Variants in MALRD1 observed in about 807,000 individuals in gnomAD.
The protein encoded by MALRD1 is MAM and LDL receptor class A domain containing 1, also known as MAM and LDL-receptor class A domain-containing protein 1.
MALRD1 carries 247 observed loss-of-function variants against 242.1 expected under a neutral mutation model. The ratio of observed to expected loss-of-function variants is 1.02; its 90% CI spans 0.92 to 1.13. MALRD1 has a LOEUF of 1.13. Ranked by LOEUF, MALRD1 falls within the 50% of genes most tolerant of loss-of-function variation. The pLI is 0.00. For missense variants in MALRD1, 2,989 were observed against 2,533.1 expected (o/e 1.18, Z -3.86); for synonymous variants, 995 against 866.6 (o/e 1.15, Z -2.60).
intron 14 of MALRD1, among the ~76,000 whole-genome samples, chr10:19,200,032 G>A (rs1243285699): frequency 2.0e-5 from 3 of 152,094 alleles, no homozygotes; most frequent in African/African-American, 4.8e-5. Flanking sequence ...AGGAGGCTGA[G>A]TCGGAGAACG....
Position 19,691,678 on chromosome 10 carries a change from C to T in MALRD1, c.6138-604C>T, listed in dbSNP as rs545924353. On this transcript the variant is annotated intron_variant, in intron 36 of 39. Transcript: ENST00000454679. ...CATTCGTAACTTTCTCAAGACCATC[C>T]GTACCAGTGTTAAAAGTTTCATCAT... is the stretch of plus-strand genomic sequence containing the variant. Among the ~76,000 whole-genome samples the T allele has an allele frequency of 2.2e-4, 33 of 152,160 alleles. 1 individual carries two copies. Among genetic ancestry groups the T allele is most frequent in the Admixed American group, 2.0e-3 (30 of 15,274 alleles).
In MALRD1 at chr10:19,312,690, C is replaced by A. The variant is rs140421988; in HGVS notation, c.3420-11259C>A. On this transcript the variant is annotated intron_variant, in intron 21 of 39. Transcript: ENST00000454679. Reference sequence around the variant, plus strand: ...GTGATCATCATTTACATCTGACATGCCTACCACCCCATCAACTACTTCTAC... The same window carrying A: ...GTGATCATCATTTACATCTGACATGACTACCACCCCATCAACTACTTCTAC... 9.8e-4 allele frequency among the ~76,000 whole-genome samples: 148 copies of A among 151,294 alleles called. 2 individuals carry two copies. The highest frequency in any genetic ancestry group is 9.1e-3 in the Admixed American group (138 of 15,102).
intron 22 of MALRD1, among the ~76,000 whole-genome samples, chr10:19,325,964 T>C (rs1199866202): frequency 1.3e-5 from 2 of 152,152 alleles, no homozygotes; most frequent in Non-Finnish European, 2.9e-5. Context: ...GCTATTGTTA[T>C]TCATTTTTCT....
chr10:19,467,175 A>G (rs1589123600), intron 29 of MALRD1, among the ~76,000 whole-genome samples: 1 of 152,038 alleles, frequency 6.6e-6, no homozygotes, highest in African/African-American at 2.4e-5. Flanking sequence ...TAACTTGGTG[A>G]AATCCCATCT....
chr10:19,555,734 C>T (rs926827722), intron 32 of MALRD1, among the ~76,000 whole-genome samples: 2 of 152,010 alleles, frequency 1.3e-5, no homozygotes, highest in African/African-American at 4.8e-5. Context: ...CTAAAGTGCC[C>T]CCTTTGATAG....
intron 31 of MALRD1, among the ~76,000 whole-genome samples, chr10:19,516,691 C>G (rs1328079893): frequency 6.7e-6 from 1 of 148,488 alleles, no homozygotes; most frequent in Admixed American, 6.6e-5. Flanking sequence ...TCTCCTCCCT[C>G]CCTTCCTCCC....
intron 32 of MALRD1, among the ~76,000 whole-genome samples, chr10:19,546,316 T>C (rs1246621164): frequency 6.6e-6 from 1 of 152,212 alleles, no homozygotes; most frequent in Non-Finnish European, 1.5e-5. Flanking sequence ...CTAGTGTGTT[T>C]ATGTTTACGA....
intron 11 of MALRD1, among the ~76,000 whole-genome samples, chr10:19,154,101 A>AT (rs1834040549): frequency 6.6e-6 from 1 of 152,106 alleles, no homozygotes; most frequent in South Asian, 2.1e-4. Context: ...CACTGTTTCC[A>AT]TTACCTGTAG....
At chr10:19,551,070 T>G (rs1835448835) in intron 32 of MALRD1, among the ~76,000 whole-genome samples, 1 of 152,176 alleles carries the variant, frequency 6.6e-6, no homozygotes, top group African/African-American at 2.4e-5. Flanking sequence ...GATCACTGAT[T>G]GAGCTTCTTT....
intron 26 of MALRD1, among the ~76,000 whole-genome samples, chr10:19,372,472 AT>A (rs972733463): frequency 5.2e-4 from 76 of 144,810 alleles, no homozygotes; most frequent in South Asian, 8.8e-4. Flanking sequence ...ATAATATTTA[AT>A]TTTTTTTTTT....
rs1236990685 is a variant in MALRD1 at position 19,719,260 on chromosome 10, G to A, written c.6315-11446G>A. Among the ~76,000 whole-genome samples, 283 of 36,834 alleles carry A rather than the reference G, an allele frequency of 7.7e-3. 2 individuals are homozygous for A. Among genetic ancestry groups the A allele is most frequent in the African/African-American group, 0.023 (262 of 11,492 alleles). 24.2% of individuals were successfully genotyped at this position (36,834 alleles called of 152,430 possible). ...TATATATATATATATATATATATAT[G>A]CTATCAAATATATTTCTAAAGGGAC... On this transcript the variant is annotated intron_variant, in intron 38 of 39. Transcript: ENST00000454679.
At position 19,491,604 on chromosome 10, in the gene MALRD1, A is replaced by G. The variant is rs890185141; in HGVS notation, c.5117A>G (p.Tyr1706Cys). The stretch of plus-strand genomic sequence containing the variant: ...ATTGCATCCCACCTTCTTTGTGACT[A>G]TAAGCCAGACTGCTCTGATAGGTCT... ...KCIASHLLCD[Y>C]KPDCSDRSDE... is the part of the protein sequence containing the mutation. Residue 1706 changes from tyrosine (Y) to cysteine (C), a missense_variant, in exon 30 of 40, where the codon TAT (tyrosine) becomes TGT (cysteine). By Grantham distance (194) the Tyr-to-Cys change is radical. Transcript: ENST00000454679. 5.9e-5 allele frequency: 92 copies of G among 1,550,102 alleles called. 1 individual carries two copies. In the East Asian group the frequency reaches 2.1e-3, roughly 35 times the overall value.
At chr10:19,633,022 A>C (rs1839975752) in intron 36 of MALRD1, among the ~76,000 whole-genome samples, 1 of 152,176 alleles carries the variant, frequency 6.6e-6, no homozygotes, top group Non-Finnish European at 1.5e-5. Flanking sequence ...ACTTGAGGTC[A>C]GGAGTTCAAG....
At chr10:19,177,019 G>A (rs565053583) in intron 14 of MALRD1, among the ~76,000 whole-genome samples, 4 of 152,008 alleles carry the variant, frequency 2.6e-5, no homozygotes, top group Non-Finnish European at 5.9e-5. Context: ...GCTCACACCT[G>A]CAATCCTAGC....
intron 18 of MALRD1, among the ~76,000 whole-genome samples, chr10:19,235,261 A>G (rs1355253082): frequency 6.6e-6 from 1 of 152,148 alleles, no homozygotes; most frequent in Non-Finnish European, 1.5e-5. Flanking sequence ...CCTCTTGTCT[A>G]CAGCCCTGCT....
At chr10:19,282,846 A>AGATTT (rs1322888915) in intron 20 of MALRD1, among the ~76,000 whole-genome samples, 173 bp from the exon 21 acceptor site, 1 of 152,198 alleles carries the variant, frequency 6.6e-6, no homozygotes, top group African/African-American at 2.4e-5. Context: ...GAATAAACCT[A>AGATTT]GATTTCTTTG....
At chr10:19,344,368 T>C (rs1238636518) in intron 24 of MALRD1, among the ~76,000 whole-genome samples, 1 of 152,116 alleles carries the variant, frequency 6.6e-6, no homozygotes, top group African/African-American at 2.4e-5. Flanking sequence ...TTTATTTTTA[T>C]GTTTGCCTAT....
chr10:19,250,683 A>G (rs1839257770), intron 18 of MALRD1, among the ~76,000 whole-genome samples: 1 of 151,948 alleles, frequency 6.6e-6, no homozygotes, highest in South Asian at 2.1e-4. Flanking sequence ...GTGGTTTGTG[A>G]ATCCTTTAAA....
chr10:19,599,372 C>T (rs1838249237), intron 34 of MALRD1, among the ~76,000 whole-genome samples: 1 of 151,936 alleles, frequency 6.6e-6, no homozygotes, highest in Admixed American at 6.6e-5. Context: ...TGTCTTTCCA[C>T]TGGAAACATT....
Sources: gnomAD v4.1 joint callset for allele counts (sites outside exome capture counted in the v4.1 genomes callset) on GRCh38, gnomAD v4.1.1 for gene constraint, MANE v1.5 for transcripts, NCBI Gene and HGNC (gene_info 2026-07-23, HGNC 2026-07-21) for gene names.